Variants in REPS2 observed in about 807,000 individuals in gnomAD.
The protein encoded by REPS2 is ralBP1-associated Eps domain-containing protein 2.
REPS2 carries 23 observed loss-of-function variants against 53.6 expected under a neutral mutation model. The observed-to-expected ratio is 0.43, with a 90% confidence interval of 0.31 to 0.61. The LOEUF (loss-of-function observed/expected upper bound fraction) is 0.61. Ranked by LOEUF, REPS2 falls within the 20% of genes least tolerant of loss-of-function variation. The pLI, the probability that REPS2 is intolerant of heterozygous loss-of-function variation, is 0.11. For synonymous variants in REPS2, 238 were observed against 218.6 expected (o/e 1.09, Z -0.78); for missense variants, 446 against 534.9 (o/e 0.83, Z 1.64).
intron 1 of REPS2, among the ~76,000 whole-genome samples, chrX:16,969,319 G>A (rs1275890360): frequency 1.8e-5 from 2 of 111,883 alleles, no homozygotes; most frequent in Non-Finnish European, 3.8e-5. Flanking sequence ...CTTTCCAGAC[G>A]GGGTGGCGGC....
At position 16,953,100 on chromosome X, in the gene REPS2, A is replaced by AACAC. The variant is rs68090119; in HGVS notation, c.273+6008_273+6011dup. Among the ~76,000 whole-genome samples the AACAC allele has an allele frequency of 8.5e-3, 826 of 97,219 alleles. 9 individuals carry two copies. The highest frequency in any genetic ancestry group is 0.024 in the African/African-American group (623 of 26,328). The allele number at this position is 97,219 out of a possible 115,157, so 84.4% of individuals were successfully genotyped here. A position where few individuals can be genotyped will look rare whatever the true frequency, so the allele number is the denominator to read the frequency against. On this transcript the variant is annotated intron_variant, in intron 1 of 17. Transcript: ENST00000357277. ...TCAAAAACAAACAAACCAAAAAACAAACACACACACACACACACACACACA... is the reference window on the plus strand; with the variant it reads ...TCAAAAACAAACAAACCAAAAAACAAACACACACACACACACACACACACACACA...
chrX:17,145,552 T>C (rs1354504178), intron 17 of REPS2, among the ~76,000 whole-genome samples: 1 of 111,391 alleles, frequency 9.0e-6, no homozygotes, highest in African/African-American at 3.3e-5. Context: ...CATCCTCAGA[T>C]TTTTCTTCTC....
chrX:17,010,912 G>A (rs148440763), intron 2 of REPS2, among the ~76,000 whole-genome samples: 1,536 of 111,751 alleles, frequency 0.014, 8 homozygotes, highest in Middle Eastern at 0.064. Context: ...ACAGATGCCT[G>A]GGTCCATCTC....
intron 1 of REPS2, among the ~76,000 whole-genome samples, chrX:16,948,824 C>G (rs1419430267): frequency 8.9e-6 from 1 of 112,171 alleles, no homozygotes; most frequent in Non-Finnish European, 1.9e-5. Context: ...CAAAAGACTG[C>G]TTCAGATACT....
chrX:17,191,454 G>A, the REPS2 span, among the ~76,000 whole-genome samples: 1 of 112,394 alleles, frequency 8.9e-6, no homozygotes, highest in Non-Finnish European at 1.9e-5. Flanking sequence ...TGACTAAGAT[G>A]TACAACAATT....
chrX:17,022,436 G>A (rs919245188), intron 3 of REPS2, 165 bp downstream of exon 3: 3 of 402,799 alleles, frequency 7.4e-6, no homozygotes, highest in Non-Finnish European at 1.3e-5. Context: ...AAGAGAGACC[G>A]ACACATATGA....
At chrX:17,092,413 T>C (rs954452034) in intron 13 of REPS2, among the ~76,000 whole-genome samples, 2 of 111,704 alleles carry the variant, frequency 1.8e-5, no homozygotes, top group Non-Finnish European at 3.8e-5. Flanking sequence ...GAAATTGTTT[T>C]AAACACTAGG....
At position 17,104,805 on chromosome X, in the gene REPS2, T is replaced by C. The variant is rs753691083; in HGVS notation, c.1578+1026T>C. ...GATGTAACATTGGCCTTAAGAGATA[T>C]TGGTTGAACCGTCAACAAGTATTTA... On this transcript the variant is annotated intron_variant, in intron 14 of 17. Coordinates refer to ENST00000357277, the MANE Select transcript of REPS2 (RefSeq NM_004726.3). Among the ~76,000 whole-genome samples, 132 of 112,136 alleles carry C rather than the reference T, an allele frequency of 1.2e-3. 1 individual carries two copies. Among genetic ancestry groups the C allele is most frequent in the Non-Finnish European group, 2.1e-3 (113 of 53,196 alleles).
intron 14 of REPS2, among the ~76,000 whole-genome samples, chrX:17,111,498 C>T (rs1178865908): frequency 1.8e-5 from 2 of 112,402 alleles, no homozygotes; most frequent in Non-Finnish European, 1.9e-5. Flanking sequence ...CAAAGTGTTA[C>T]TTTGTTCTGT....
rs955781177 is a variant in REPS2 at position 16,947,079 on chromosome X, G to T, written c.218G>T (p.Gly73Val). The change falls in exon 1 of 18, where the codon GGC (glycine) becomes GTC (valine). Residue 73 changes from glycine (G) to valine (V), a missense_variant. Physicochemically the swap from Gly to Val is moderately radical, Grantham distance 109. Transcript: ENST00000357277. ...CCCGGCACGGCCACTGCGGCCGCCG[G>T]CCCCGTGGCTGACCTGTTTCGGGCA... ...VAPGTATAAA[G>V]PVADLFRASQ... is the part of the protein sequence containing the mutation. 7 of 1,079,586 alleles carry T rather than the reference G, an allele frequency of 6.5e-6. No individual in the cohort carries two copies. The highest frequency in any genetic ancestry group is 7.2e-6 in the Non-Finnish European group (6 of 835,892). The allele number at this position is 1,079,586 out of a possible 1,213,427, so 89.0% of individuals were successfully genotyped here.
chrX:17,059,436 T>C (rs1272477318), intron 8 of REPS2, among the ~76,000 whole-genome samples: 1 of 110,120 alleles, frequency 9.1e-6, no homozygotes, highest in East Asian at 2.8e-4. Context: ...GATATCTTCA[T>C]GCATTCATAA....
At chrX:16,951,548 CACACA>C (rs2060509769) in intron 1 of REPS2, among the ~76,000 whole-genome samples, 2 of 33,153 alleles carry the variant, frequency 6.0e-5, no homozygotes, top group African/African-American at 1.3e-4. Context: ...CACACACACA[CACACA>C]CACACACCCC....
chrX:17,037,423 C>T (rs1207594869), intron 5 of REPS2, among the ~76,000 whole-genome samples: 8 of 112,750 alleles, frequency 7.1e-5, no homozygotes, highest in Non-Finnish European at 1.5e-4. Flanking sequence ...ATTCTCCTGC[C>T]TCAGCTTCCT....
chrX:17,026,887 A>G (rs1021051481), intron 4 of REPS2, among the ~76,000 whole-genome samples: 9 of 111,736 alleles, frequency 8.1e-5, no homozygotes, highest in African/African-American at 2.3e-4. Flanking sequence ...TCCTAGGTTT[A>G]GGTGATCCTC....
chrX:17,169,246 A>G, the REPS2 span, among the ~76,000 whole-genome samples: 2 of 112,486 alleles, frequency 1.8e-5, no homozygotes, highest in South Asian at 7.4e-4. Context: ...ATGGTTTGCT[A>G]TGCAAGGAAA....
chrX:17,177,728 C>T, the REPS2 span, among the ~76,000 whole-genome samples: 4 of 112,325 alleles, frequency 3.6e-5, no homozygotes, highest in African/African-American at 9.7e-5. Context: ...CCAGCTGTTT[C>T]AGTTTTCGCT....
chrX:17,113,526 A>G (rs945215949), intron 14 of REPS2, among the ~76,000 whole-genome samples: 3 of 111,463 alleles, frequency 2.7e-5, no homozygotes, highest in African/African-American at 6.5e-5. Context: ...GCTCAGAGCT[A>G]CTCATATCTC....
At chrX:17,015,370 G>A (rs756629223) in intron 2 of REPS2, among the ~76,000 whole-genome samples, 1 of 110,712 alleles carries the variant, frequency 9.0e-6, no homozygotes, top group Non-Finnish European at 1.9e-5. Context: ...GTAAGACAAG[G>A]GTCAACAACC....
At position 16,954,441 on chromosome X, in the gene REPS2, C is replaced by A. The variant is rs750702817; in HGVS notation, c.273+7307C>A. 4.5e-5 allele frequency among the ~76,000 whole-genome samples: 5 copies of A among 111,924 alleles called. No individual in the cohort carries two copies. In the South Asian group the frequency reaches 1.8e-3, roughly 41 times the overall value. On this transcript the variant is annotated intron_variant, in intron 1 of 17. Coordinates refer to ENST00000357277, the MANE Select transcript of REPS2 (RefSeq NM_004726.3). Reference sequence around the variant, plus strand: ...TTATCCTGAAGCAAGTCGCAAACATCATATGGTTCATAGGGCTTATCTTTA... The same window carrying A: ...TTATCCTGAAGCAAGTCGCAAACATAATATGGTTCATAGGGCTTATCTTTA...
Sources: gnomAD v4.1 joint callset for allele counts (sites outside exome capture counted in the v4.1 genomes callset) on GRCh38, gnomAD v4.1.1 for gene constraint, MANE v1.5 for transcripts, NCBI Gene and HGNC (gene_info 2026-07-23, HGNC 2026-07-21) for gene names.